The following BCL2L15 variants were observed in gnomAD, a reference collection of about 807,000 sequenced individuals.
BCL2L15 encodes bcl-2-like protein 15.
BCL2L15 carries 15 observed loss-of-function variants against 18.3 expected under a neutral mutation model. The observed-to-expected ratio is 0.82, with a 90% confidence interval of 0.55 to 1.26. The LOEUF (loss-of-function observed/expected upper bound fraction) is 1.26. Among genes scored for constraint, BCL2L15 ranks in the 50% most tolerant of loss-of-function variants. BCL2L15 has a pLI of 0.00. For synonymous variants in BCL2L15, 58 were observed against 68.5 expected (o/e 0.85, Z 0.76); for missense variants, 180 against 201.7 (o/e 0.89, Z 0.65).
chr1:113,886,636 C>T lies in BCL2L15; in HGVS notation c.150G>A (p.Val50=), dbSNP rs948434236. Residue 50 remains valine (V), a synonymous_variant, in exon 2 of 4, where the codon GTG becomes GTA. Coordinates refer to ENST00000393316, the MANE Select transcript of BCL2L15 (RefSeq NM_001010922.3). ...VDSGEPCSFD[V]AIIAGRLRML... ...TCCGAAGGCGACCAGCAATGATAGC[C>T]ACATCAAAAGAACAAGGCTCTCCTA... is the stretch of plus-strand genomic sequence containing the variant. 6.2e-7 allele frequency: 1 copy of T among 1,611,286 alleles called. No individual in the cohort carries two copies. Among genetic ancestry groups the T allele is most frequent in the Non-Finnish European group, 8.5e-7 (1 of 1,179,336 alleles).
intron 3 of BCL2L15, chr1:113,881,408 CACAT>C: frequency 8.4e-7 from 1 of 1,196,004 alleles, no homozygotes; most frequent in South Asian, 2.1e-5. Flanking sequence ...CCCTAACACA[CACAT>C]AGAGAAGTTA....
In BCL2L15 at chr1:113,887,335, A is replaced by G. The variant is rs202039250; in HGVS notation, c.41T>C (p.Ile14Thr). 5.6e-6 allele frequency: 9 copies of G among 1,614,150 alleles called. No individual in the cohort carries two copies. The highest frequency in any genetic ancestry group is 1.7e-5 in the Admixed American group (1 of 60,024). ...GAAGTCCATGAGTAGAGTGTTCACA[A>G]TGCATTCCGTTTGTTCCTCAAAAGT... ...SQTFEEQTEC[I>T]VNTLLMDFLS... is the part of the protein sequence containing the mutation. Residue 14 changes from isoleucine to threonine, a missense_variant, in exon 1 of 4, where the codon ATT becomes ACT. Physicochemically the swap from Ile to Thr is moderately conservative, Grantham distance 89. Transcript: ENST00000393316.
chr1:113,881,483 CTA>C, intron 3 of BCL2L15: 1 of 1,345,784 alleles, frequency 7.4e-7, no homozygotes, highest in Non-Finnish European at 9.5e-7. Flanking sequence ...AATTAGAACT[CTA>C]TCATGAATAT....
Position 113,887,250 on chromosome 1 carries a change from T to C in BCL2L15, c.126A>G (p.Ser42=). ...RNLCCVDEVD[S]GEPCSFDVAI... Reference sequence around the variant, plus strand: ...CACCGCCTAGGGCAGGAACCTTACCTGAATCTACTTCATCTACACAGCATA... The same window carrying C: ...CACCGCCTAGGGCAGGAACCTTACCCGAATCTACTTCATCTACACAGCATA... Residue 42 remains serine, a splice_region_variant and synonymous_variant, in exon 1 of 4, where the codon TCA becomes TCG. Coordinates refer to ENST00000393316, the MANE Select transcript of BCL2L15 (RefSeq NM_001010922.3). 1 of 1,613,640 alleles carries C rather than the reference T, an allele frequency of 6.2e-7. No individual in the cohort carries two copies. The highest frequency in any genetic ancestry group is 8.5e-7 in the Non-Finnish European group (1 of 1,179,770).
chr1:113,887,388 C>G lies in BCL2L15; in HGVS notation c.-13G>C, dbSNP rs750753100. On this transcript the variant is annotated 5_prime_UTR_variant, in exon 1 of 4. Transcript: ENST00000393316. ...GGGAGCTCTTCATTTTAGATGTTTGCTGTCAAGTTTTGCTTTTCCACGAAA... is the reference window on the plus strand; with the variant it reads ...GGGAGCTCTTCATTTTAGATGTTTGGTGTCAAGTTTTGCTTTTCCACGAAA... The G allele has an allele frequency of 1.2e-6, 2 of 1,613,728 alleles. No individual in the cohort carries two copies. The highest frequency in any genetic ancestry group is 2.7e-5 in the African/African-American group (2 of 74,904).
intron 2 of BCL2L15, among the ~76,000 whole-genome samples, chr1:113,884,078 C>A (rs1345098227): frequency 6.6e-6 from 1 of 152,164 alleles, no homozygotes; most frequent in Non-Finnish European, 1.5e-5. Context: ...GGGATATTTA[C>A]ATAGTTTCAA....
chr1:113,885,873 A>C (rs564523999), intron 2 of BCL2L15, among the ~76,000 whole-genome samples: 6 of 150,152 alleles, frequency 4.0e-5, no homozygotes, highest in African/African-American at 1.5e-4. Context: ...GCGCCACTGC[A>C]CTCCAGCCTG....
Position 113,879,282 on chromosome 1 carries a change from A to G in BCL2L15, c.*1841T>C, listed in dbSNP as rs1666802501. Reference sequence around the variant, plus strand: ...GCTTTGTTAAACTTTAGCCAAAGTTATTAATGCTGCTTTTCATGAATCACT... The same window carrying G: ...GCTTTGTTAAACTTTAGCCAAAGTTGTTAATGCTGCTTTTCATGAATCACT... On this transcript the variant is annotated 3_prime_UTR_variant, in exon 4 of 4. Coordinates refer to ENST00000393316, the MANE Select transcript of BCL2L15 (RefSeq NM_001010922.3). The G allele has an allele frequency of 6.6e-6, 1 of 152,398 alleles. No individual in the cohort carries two copies. The highest frequency in any genetic ancestry group is 2.1e-4 in the South Asian group (1 of 4,838). 9.4% of individuals were successfully genotyped at this position (152,398 alleles called of 1,614,324 possible).
In BCL2L15 at chr1:113,881,062, A is replaced by C. The variant is rs1378118151; in HGVS notation, c.*61T>G. On this transcript the variant is annotated 3_prime_UTR_variant, in exon 4 of 4. Coordinates refer to ENST00000393316, the MANE Select transcript of BCL2L15 (RefSeq NM_001010922.3). The stretch of plus-strand genomic sequence containing the variant: ...TATTTGTTTGTTTGAATTCCCAGGA[A>C]TCAATCACCCAATCAGTCAACAAGG... The C allele has an allele frequency of 6.2e-7, 1 of 1,612,444 alleles. No individual in the cohort carries two copies. The highest frequency in any genetic ancestry group is 1.1e-5 in the South Asian group (1 of 90,946).
chr1:113,878,128 G>T lies in BCL2L15; in HGVS notation c.*2995C>A, dbSNP rs1339373254. On this transcript the variant is annotated 3_prime_UTR_variant, in exon 4 of 4. Coordinates refer to ENST00000393316, the MANE Select transcript of BCL2L15 (RefSeq NM_001010922.3). The stretch of plus-strand genomic sequence containing the variant: ...ACTGCATAACACAGAATTCCAAATT[G>T]CTAATGGCACAGTGTTTAAAATATT... The T allele has an allele frequency of 6.6e-6, 1 of 152,258 alleles. No homozygotes were observed. The highest frequency in any genetic ancestry group is 1.5e-5 in the Non-Finnish European group (1 of 68,016). 9.4% of individuals were successfully genotyped at this position (152,258 alleles called of 1,614,324 possible).
Position 113,887,229 on chromosome 1 carries a change from G to GC in BCL2L15, c.127+19dup, listed in dbSNP as rs1558072125. ...ATACTCTTATTGACCTGCAATCACC[G>GC]CCTAGGGCAGGAACCTTACCTGAAT... On this transcript the variant is annotated intron_variant, in intron 1 of 3. Transcript: ENST00000393316. 2 of 1,611,118 alleles carry GC rather than the reference G, an allele frequency of 1.2e-6. No homozygotes were observed. The highest frequency in any genetic ancestry group is 1.7e-6 in the Non-Finnish European group (2 of 1,177,508).
rs1403106234 is a variant in BCL2L15, at chr1:113,887,411, A to C, written c.-36T>G. The stretch of plus-strand genomic sequence containing the variant: ...TGCTGTCAAGTTTTGCTTTTCCACG[A>C]AACAAGCAGTTTTCAGCCCAGCAGG... On this transcript the variant is annotated 5_prime_UTR_variant, in exon 1 of 4. Transcript: ENST00000393316. 1.2e-6 allele frequency: 2 copies of C among 1,613,298 alleles called. No individual in the cohort carries two copies. Among genetic ancestry groups the C allele is most frequent in the African/African-American group, 1.3e-5 (1 of 74,876 alleles).
rs1666793502 is a variant in BCL2L15 at position 113,878,929 on chromosome 1, A to T, written c.*2194T>A. ...CAATGGCGCGAACTCAGCTCACAGC[A>T]ACCTCCGCCTCCCAGGTTCAAGTGA... On this transcript the variant is annotated 3_prime_UTR_variant, in exon 4 of 4. Coordinates refer to ENST00000393316, the MANE Select transcript of BCL2L15 (RefSeq NM_001010922.3). The T allele has an allele frequency of 6.6e-6, 1 of 152,016 alleles. No homozygotes were observed. Among genetic ancestry groups the T allele is most frequent in the Admixed American group, 6.6e-5 (1 of 15,252 alleles). 9.4% of individuals were successfully genotyped at this position (152,016 alleles called of 1,614,324 possible).
rs1395776519 is a variant in BCL2L15 at position 113,880,508 on chromosome 1, C to T, written c.*615G>A. The T allele has an allele frequency of 1.3e-5, 2 of 152,254 alleles. No individual in the cohort carries two copies. The highest frequency in any genetic ancestry group is 3.9e-4 in the East Asian group (2 of 5,192). 9.4% of individuals were successfully genotyped at this position (152,254 alleles called of 1,614,324 possible). A position where few individuals can be genotyped will look rare whatever the true frequency, so the allele number is the denominator to read the frequency against. ...GGGCGTGATGGCGGGCTCCTGTAGT[C>T]CCAGCTACTCAGGAGGCTGAGGCAG... On this transcript the variant is annotated 3_prime_UTR_variant, in exon 4 of 4. Transcript: ENST00000393316.
intron 2 of BCL2L15, 88 bp downstream of exon 2, chr1:113,886,449 C>A: frequency 7.6e-7 from 1 of 1,322,100 alleles, no homozygotes; most frequent in Admixed American, 2.4e-5. Flanking sequence ...TAGAACATTC[C>A]TAGTCACTGT....
intron 1 of BCL2L15, 42 bp from the exon 2 acceptor site, chr1:113,886,700 T>C (rs200155708): frequency 3.9e-6 from 6 of 1,548,876 alleles, no homozygotes; most frequent in Non-Finnish European, 4.3e-6. Flanking sequence ...CTTGAAGCAA[T>C]GGCAAGTCCC....
rs149908888 is a variant in BCL2L15 at position 113,877,322 on chromosome 1, GTTTTT to G, written c.*3796_*3800del. Among the ~76,000 whole-genome samples, 3 of 142,900 alleles carry G rather than the reference GTTTTT, an allele frequency of 2.1e-5. No individual in the cohort carries two copies. The highest frequency in any genetic ancestry group is 7.7e-5 in the African/African-American group (3 of 38,808). The allele number at this position is 142,900 out of a possible 152,430, so 93.7% of individuals were successfully genotyped here. A position where few individuals can be genotyped will look rare whatever the true frequency, so the allele number is the denominator to read the frequency against. On this transcript the variant is annotated 3_prime_UTR_variant, in exon 4 of 4. Coordinates refer to ENST00000393316, the MANE Select transcript of BCL2L15 (RefSeq NM_001010922.3). ...GATGAACAGTAGGGAGCAGCTGAAG[GTTTTT>G]TTTTTTTTTTTAAAAAAAACAACCT...
At chr1:113,883,033 G>C (rs1666925951) in intron 2 of BCL2L15, among the ~76,000 whole-genome samples, 1 of 151,998 alleles carries the variant, frequency 6.6e-6, no homozygotes, top group Non-Finnish European at 1.5e-5. Flanking sequence ...TTCAAAAATG[G>C]AATCTAAAAT....
chr1:113,882,371 G>A (rs1013712152), intron 2 of BCL2L15, among the ~76,000 whole-genome samples: 1 of 152,202 alleles, frequency 6.6e-6, no homozygotes, highest in African/African-American at 2.4e-5. Context: ...AAGGCCGGGG[G>A]CAGTGGCTCA....
Sources: gnomAD v4.1 joint callset for allele counts (sites outside exome capture counted in the v4.1 genomes callset) on GRCh38, gnomAD v4.1.1 for gene constraint, MANE v1.5 for transcripts, NCBI Gene and HGNC (gene_info 2026-07-23, HGNC 2026-07-21) for gene names.